Variants in PTGER4 observed in about 807,000 individuals in gnomAD.
The protein encoded by PTGER4 is prostaglandin E2 receptor EP4 subtype.
In PTGER4, 11 loss-of-function variants were observed where a neutral mutation model predicts 33.2. The ratio of observed to expected loss-of-function variants is 0.33; its 90% confidence interval spans 0.21 to 0.55. The LOEUF is 0.55. PTGER4 is among the 20% of genes least tolerant of loss of function. The pLI is 0.92. For synonymous variants in PTGER4, 275 were observed against 281.5 expected, an observed-to-expected ratio of 0.98 and a Z score of 0.23; for missense variants, 481 against 650.2, an observed-to-expected ratio of 0.74 and a Z score of 2.83.
Position 40,692,441 on chromosome 5 carries a change from A to G in PTGER4, c.*63A>G. 1 of 1,510,326 alleles carries G rather than the reference A, an allele frequency of 6.6e-7. No individual in the cohort carries two copies. The highest frequency in any genetic ancestry group is 1.3e-5 in the South Asian group (1 of 74,696). 93.6% of individuals were successfully genotyped at this position (1,510,326 alleles called of 1,614,324 possible). On this transcript the variant is annotated 3_prime_UTR_variant, in exon 3 of 3. Transcript: ENST00000302472. ...TTATAAAATCCTGTGCAATAGACAC[A>G]TACATGTCACATTTAGCTGTGCTCA... is the stretch of plus-strand genomic sequence containing the variant.
At chr5:40,703,902 C>CAAAAAAAAAAAAAAAAAAAA in the PTGER4 span, among the ~76,000 whole-genome samples, 2 of 37,264 alleles carry the variant, frequency 5.4e-5, no homozygotes, top group Admixed American at 4.4e-4. Flanking sequence ...GACGCCGTCT[C>CAAAAAAAAAAAAAAAAAAAA]AAAAAAAAAA....
the PTGER4 span, among the ~76,000 whole-genome samples, chr5:40,729,053 A>AT: frequency 6.6e-6 from 1 of 152,150 alleles, no homozygotes; most frequent in Non-Finnish European, 1.5e-5. Flanking sequence ...AAGAGGCTGG[A>AT]TTTTATCTAT....
the PTGER4 span, among the ~76,000 whole-genome samples, chr5:40,720,296 T>G: frequency 6.6e-6 from 1 of 152,214 alleles, no homozygotes; most frequent in African/African-American, 2.4e-5. Flanking sequence ...CACCATTTGC[T>G]GAAGACTATT....
the PTGER4 span, among the ~76,000 whole-genome samples, chr5:40,732,712 G>A: frequency 2.0e-5 from 3 of 151,908 alleles, no homozygotes; most frequent in African/African-American, 4.8e-5. Flanking sequence ...AGGTTCAAGC[G>A]ATTCTCCTGC....
At chr5:40,682,260 G>A (rs1185476196) in intron 2 of PTGER4, among the ~76,000 whole-genome samples, 2 of 152,190 alleles carry the variant, frequency 1.3e-5, no homozygotes, top group African/African-American at 4.8e-5. Context: ...TGCAAAACCT[G>A]AAATGTCAGG....
chr5:40,739,708 A>AGAACC, the PTGER4 span, among the ~76,000 whole-genome samples: 1 of 152,218 alleles, frequency 6.6e-6, no homozygotes, highest in Non-Finnish European at 1.5e-5. Context: ...TGCAGCCCAC[A>AGAACC]GAACCGTGAG....
At chr5:40,700,460 A>G in the PTGER4 span, among the ~76,000 whole-genome samples, 4 of 152,258 alleles carry the variant, frequency 2.6e-5, no homozygotes, top group African/African-American at 9.6e-5. Context: ...CACAACTCCA[A>G]CAAGTGCAGT....
chr5:40,709,164 C>T, the PTGER4 span, among the ~76,000 whole-genome samples: 58 of 152,050 alleles, frequency 3.8e-4, no homozygotes, highest in South Asian at 7.9e-3. Flanking sequence ...TTCAACATAG[C>T]GTTGGAAGTT....
At chr5:40,703,133 G>A in the PTGER4 span, among the ~76,000 whole-genome samples, 3 of 151,862 alleles carry the variant, frequency 2.0e-5, no homozygotes, top group African/African-American at 4.8e-5. Flanking sequence ...CAACTGCAAA[G>A]CTAGCAGAAG....
the PTGER4 span, among the ~76,000 whole-genome samples, chr5:40,719,627 G>A: frequency 6.6e-6 from 1 of 152,142 alleles, no homozygotes; most frequent in Non-Finnish European, 1.5e-5. Context: ...CTGCCAGACT[G>A]TTTTCCAAAA....
Position 40,691,595 on chromosome 5 carries a change from C to T in PTGER4, c.868-184C>T, listed in dbSNP as rs553528184. ...CCTCCCAAAGTGCTGGGATTACAGG[C>T]GTGAGCCACCGTGCCCAGCCCATGA... On this transcript the variant is annotated intron_variant, in intron 2 of 2. Transcript: ENST00000302472. The surrounding 1 kb of genome is among the most constrained non-coding windows in gnomAD (Gnocchi z 4.2). Among the ~76,000 whole-genome samples the T allele has an allele frequency of 6.6e-6, 1 of 152,338 alleles. No individual in the cohort carries two copies. The highest frequency in any genetic ancestry group is 2.1e-4 in the South Asian group (1 of 4,832).
At chr5:40,696,003 A>G (rs1214660285), downstream of PTGER4, among the ~76,000 whole-genome samples, 1 of 152,208 alleles carries the variant, frequency 6.6e-6, no homozygotes, top group African/African-American at 2.4e-5. Context: ...TGGGTACACT[A>G]GAAACCCAAT....
the PTGER4 span, among the ~76,000 whole-genome samples, chr5:40,739,353 G>A: frequency 6.6e-6 from 1 of 152,282 alleles, no homozygotes; most frequent in African/African-American, 2.4e-5. Context: ...GAGAACTGAT[G>A]TATTAACAAA....
chr5:40,713,078 A>T, the PTGER4 span, among the ~76,000 whole-genome samples: 1 of 152,106 alleles, frequency 6.6e-6, no homozygotes, highest in African/African-American at 2.4e-5. Flanking sequence ...CAAATACATC[A>T]GTTTAATAAT....
chr5:40,714,201 G>A, the PTGER4 span, among the ~76,000 whole-genome samples: 4 of 152,094 alleles, frequency 2.6e-5, no homozygotes, highest in South Asian at 4.1e-4. Flanking sequence ...CTATAATACT[G>A]GAATCAGAGA....
At chr5:40,746,132 T>C in the PTGER4 span, among the ~76,000 whole-genome samples, 1 of 152,136 alleles carries the variant, frequency 6.6e-6, no homozygotes, top group African/African-American at 2.4e-5. Flanking sequence ...ACTAAAAAAT[T>C]TGTCTTTTCC....
At chr5:40,715,087 T>C in the PTGER4 span, 2 of 152,224 alleles carry the variant, frequency 1.3e-5, no homozygotes, top group South Asian at 2.1e-4. Flanking sequence ...CCAATTTCTA[T>C]GTATTTTGTG....
the PTGER4 span, among the ~76,000 whole-genome samples, chr5:40,736,711 T>G: frequency 6.6e-6 from 1 of 152,220 alleles, no homozygotes; most frequent in African/African-American, 2.4e-5. Flanking sequence ...TAGCATGCTT[T>G]TACATGGACT....
the PTGER4 span, among the ~76,000 whole-genome samples, chr5:40,745,251 A>C: frequency 4.7e-4 from 71 of 152,150 alleles, no homozygotes; most frequent in Non-Finnish European, 1.8e-4. Flanking sequence ...CTAAACATGA[A>C]CTAATATTAG....
Sources: gnomAD v4.1 joint callset for allele counts (sites outside exome capture counted in the v4.1 genomes callset) on GRCh38, gnomAD v4.1.1 for gene constraint, Gnocchi (gnomAD v3.1) non-coding constraint, MANE v1.5 for transcripts, NCBI Gene and HGNC (gene_info 2026-07-23, HGNC 2026-07-21) for gene names.